Variants in RHOA observed in about 807,000 individuals in gnomAD.
RHOA encodes the protein ras homolog family member A.
RHOA carries 3 observed loss-of-function variants against 17.5 expected under a neutral mutation model. The observed-to-expected ratio is 0.17, with a 90% CI of 0.08 to 0.44. The LOEUF is 0.44. RHOA is among the 20% of genes least tolerant of loss of function. The pLI is 0.99. For missense variants in RHOA, 56 were observed against 242.3 expected (o/e 0.23, Z 5.10); for synonymous variants, 98 against 88.4 (o/e 1.11, Z -0.61).
intron 1 of RHOA, among the ~76,000 whole-genome samples, chr3:49,390,500 G>A (rs9842132): frequency 0.24 from 36,117 of 151,872 alleles, 4,596 homozygotes; most frequent in Middle Eastern, 0.28. Context: ...CTGACCACAG[G>A]TAATTCGCCT....
At chr3:49,373,928 C>T (rs545870661) in intron 2 of RHOA, among the ~76,000 whole-genome samples, 1 of 152,102 alleles carries the variant, frequency 6.6e-6, no homozygotes, top group Admixed American at 6.6e-5. Flanking sequence ...AAAAAACCCT[C>T]CAATTTCACA....
intron 1 of RHOA, among the ~76,000 whole-genome samples, chr3:49,399,417 T>C (rs1482327468): frequency 1.3e-5 from 2 of 151,898 alleles, no homozygotes; most frequent in African/African-American, 4.8e-5. Context: ...ACAAGATTAT[T>C]AAATGAAAAA....
chr3:49,391,299 G>A (rs1036392063), intron 1 of RHOA, among the ~76,000 whole-genome samples: 5 of 151,480 alleles, frequency 3.3e-5, no homozygotes, highest in African/African-American at 1.2e-4. Context: ...GGCTGAGGCA[G>A]GAAGATCAGT....
chr3:49,393,642 T>G (rs1448361096), intron 1 of RHOA, among the ~76,000 whole-genome samples: 1 of 76,706 alleles, frequency 1.3e-5, no homozygotes, highest in Non-Finnish European at 2.5e-5. Flanking sequence ...CAAGAACAGT[T>G]AGGACCACAG....
intron 1 of RHOA, among the ~76,000 whole-genome samples, chr3:49,405,349 T>G (rs1338110730): frequency 6.6e-6 from 1 of 151,766 alleles, no homozygotes; most frequent in Non-Finnish European, 1.5e-5. Flanking sequence ...GAGAATCACT[T>G]GAATCCAGGA....
chr3:49,360,122 A>T lies in RHOA; in HGVS notation c.*87T>A. Reference sequence around the variant, plus strand: ...TTGTAATCTTAGGTAAATTATAGATAAATGAAAAAGGCCAGTAATCATACA... The same window carrying T: ...TTGTAATCTTAGGTAAATTATAGATTAATGAAAAAGGCCAGTAATCATACA... On this transcript the variant is annotated 3_prime_UTR_variant, in exon 5 of 5. Coordinates refer to ENST00000418115, the MANE Select transcript of RHOA (RefSeq NM_001664.4). The T allele has an allele frequency of 7.5e-7, 1 of 1,324,770 alleles. No individual in the cohort carries two copies. Among genetic ancestry groups the T allele is most frequent in the Non-Finnish European group, 1.0e-6 (1 of 962,150 alleles). The allele number at this position is 1,324,770 out of a possible 1,614,324, so 82.1% of individuals were successfully genotyped here.
chr3:49,386,427 T>C (rs1372899788), intron 1 of RHOA, among the ~76,000 whole-genome samples: 4 of 152,200 alleles, frequency 2.6e-5, no homozygotes. Flanking sequence ...AGTCCTCCTG[T>C]AAGTTCTAAT....
At chr3:49,397,180 C>A (rs1184953511) in intron 1 of RHOA, among the ~76,000 whole-genome samples, 3 of 145,592 alleles carry the variant, frequency 2.1e-5, no homozygotes, top group Non-Finnish European at 3.0e-5. Context: ...CATGGATGAA[C>A]CTTTAAAACA....
intron 1 of RHOA, among the ~76,000 whole-genome samples, chr3:49,408,329 CA>C (rs1420223333): frequency 4.0e-5 from 6 of 150,728 alleles, no homozygotes; most frequent in Admixed American, 4.0e-4. Context: ...CTTAAATATA[CA>C]TACTCATCCT....
At chr3:49,398,548 G>A (rs1472611918) in intron 1 of RHOA, among the ~76,000 whole-genome samples, 1 of 151,942 alleles carries the variant, frequency 6.6e-6, no homozygotes, top group Non-Finnish European at 1.5e-5. Context: ...TGCTGGCAGG[G>A]CGCGGTGGCT....
intron 2 of RHOA, among the ~76,000 whole-genome samples, chr3:49,371,697 C>G (rs1308334887): frequency 1.3e-5 from 2 of 152,184 alleles, no homozygotes; most frequent in African/African-American, 4.8e-5. Context: ...CAATCAAACA[C>G]TTTTATTCCA....
intron 1 of RHOA, among the ~76,000 whole-genome samples, chr3:49,380,069 T>TGTGAGAATGG (rs2048292732): frequency 6.6e-6 from 1 of 152,194 alleles, no homozygotes; most frequent in Non-Finnish European, 1.5e-5. Flanking sequence ...GACATGGCCA[T>TGTGAGAATGG]GTACCATGAG....
intron 2 of RHOA, among the ~76,000 whole-genome samples, chr3:49,372,551 G>A (rs1229877150): frequency 1.3e-5 from 2 of 151,984 alleles, no homozygotes; most frequent in African/African-American, 4.8e-5. Context: ...TGGCTAACAC[G>A]GTGAAACCCT....
intron 1 of RHOA, among the ~76,000 whole-genome samples, chr3:49,399,805 T>C (rs1322487928): frequency 1.3e-5 from 2 of 152,136 alleles, no homozygotes; most frequent in East Asian, 3.8e-4. Context: ...CTATTATGTT[T>C]TCGAACAAGA....
intron 1 of RHOA, among the ~76,000 whole-genome samples, chr3:49,411,049 A>G (rs4855878): frequency 0.98 from 148,659 of 152,348 alleles, 72,646 homozygotes; most frequent in Middle Eastern, 1. Flanking sequence ...AGGTACAGAT[A>G]TTTAGATCAT....
At chr3:49,382,192 G>A (rs1029078206) in intron 1 of RHOA, among the ~76,000 whole-genome samples, 15 of 150,486 alleles carry the variant, frequency 1.0e-4, no homozygotes, top group Non-Finnish European at 1.8e-4. Flanking sequence ...CGTGAAGGGC[G>A]CCTGTAGTTC....
chr3:49,399,932 C>T (rs1460143956), intron 1 of RHOA, among the ~76,000 whole-genome samples: 1 of 151,976 alleles, frequency 6.6e-6, no homozygotes, highest in African/African-American at 2.4e-5. Context: ...CAAGAAACTA[C>T]AGAAACGGCT....
chr3:49,390,632 G>A (rs2048484909), intron 1 of RHOA, among the ~76,000 whole-genome samples: 1 of 152,130 alleles, frequency 6.6e-6, no homozygotes, highest in Non-Finnish European at 1.5e-5. Context: ...CATGTAAAAG[G>A]AAAATACAGA....
chr3:49,402,180 A>G (rs1384330776), intron 1 of RHOA, among the ~76,000 whole-genome samples: 4 of 152,224 alleles, frequency 2.6e-5, no homozygotes, highest in East Asian at 3.8e-4. Context: ...TGTAAATATT[A>G]TAAGGTTAAC....
Sources: gnomAD v4.1 joint callset for allele counts (sites outside exome capture counted in the v4.1 genomes callset) on GRCh38, gnomAD v4.1.1 for gene constraint, MANE v1.5 for transcripts, NCBI Gene and HGNC (gene_info 2026-07-23, HGNC 2026-07-21) for gene names.